DPYD: variants seen among roughly 807,000 people sequenced by gnomAD.
DPYD encodes dihydropyrimidine dehydrogenase [NADP(+)].
Under a neutral mutation model 116.2 loss-of-function variants are expected in DPYD, and 109 were observed. That is an observed-to-expected ratio of 0.94 (90% CI 0.80 to 1.10). The LOEUF is 1.10. Among genes scored for constraint, DPYD ranks in the 50% least tolerant of loss-of-function variants. The probability of loss-of-function intolerance (pLI) is 0.00; values close to 1 mark genes in which losing one functional copy is unlikely to be tolerated. For synonymous variants in DPYD, 440 were observed against 432.0 expected (o/e 1.02, Z -0.23); for missense variants, 1,302 against 1,254.5 (o/e 1.04, Z -0.57).
chr1:97,298,670 A>C (rs563688235), intron 18 of DPYD, among the ~76,000 whole-genome samples: 1 of 152,294 alleles, frequency 6.6e-6, no homozygotes, highest in Admixed American at 6.5e-5. Flanking sequence ...CTGTATAGTC[A>C]GAGTAATGCT....
chr1:97,221,595 G>A (rs900736261), intron 19 of DPYD, among the ~76,000 whole-genome samples: 3 of 151,942 alleles, frequency 2.0e-5, no homozygotes, highest in African/African-American at 7.2e-5. Flanking sequence ...TACAGTCCAG[G>A]TTTTCTAGAT....
intron 14 of DPYD, among the ~76,000 whole-genome samples, chr1:97,416,777 A>G (rs1387231027): frequency 6.6e-6 from 1 of 152,234 alleles, no homozygotes; most frequent in Non-Finnish European, 1.5e-5. Flanking sequence ...GAATGGCAGG[A>G]TTAATTAATA....
intron 15 of DPYD, among the ~76,000 whole-genome samples, chr1:97,374,846 C>A (rs1408576901): frequency 6.7e-6 from 1 of 149,250 alleles, no homozygotes; most frequent in Non-Finnish European, 1.5e-5. Flanking sequence ...CCAGGCAACA[C>A]AGTGAAACCC....
At chr1:97,918,402 A>G (rs1441676160) in intron 1 of DPYD, among the ~76,000 whole-genome samples, 1 of 152,186 alleles carries the variant, frequency 6.6e-6, no homozygotes, top group Non-Finnish European at 1.5e-5. Flanking sequence ...GAAAAAAAAC[A>G]TGATTTCTCA....
At chr1:97,318,479 A>G (rs1484319774) in intron 16 of DPYD, among the ~76,000 whole-genome samples, 2 of 151,884 alleles carry the variant, frequency 1.3e-5, no homozygotes, top group African/African-American at 4.8e-5. Context: ...CAAAAGGGAC[A>G]AAGAAGGCCA....
intron 19 of DPYD, among the ~76,000 whole-genome samples, chr1:97,226,443 T>C (rs1253426283): frequency 6.6e-6 from 1 of 152,028 alleles, no homozygotes; most frequent in Non-Finnish European, 1.5e-5. Context: ...AAAAGTTAAA[T>C]AGACTCTGTA....
At chr1:97,887,486 A>G in intron 1 of DPYD, among the ~76,000 whole-genome samples, 1 of 148,926 alleles carries the variant, frequency 6.7e-6, no homozygotes, top group African/African-American at 2.5e-5. Flanking sequence ...AAAAAAAAAA[A>G]AAAAAAAAAG....
chr1:97,589,894 C>T (rs1654385575), intron 10 of DPYD, among the ~76,000 whole-genome samples: 1 of 152,076 alleles, frequency 6.6e-6, no homozygotes, highest in African/African-American at 2.4e-5. Context: ...CTAAAGAAAC[C>T]AAATGTGGCT....
intron 19 of DPYD, among the ~76,000 whole-genome samples, chr1:97,196,763 A>G (rs918873429): frequency 1.3e-5 from 2 of 152,198 alleles, no homozygotes; most frequent in African/African-American, 2.4e-5. Flanking sequence ...TGGCACCAGA[A>G]TTCCTGGCCA....
Position 97,625,062 on chromosome 1 carries a change from A to G in DPYD, c.851-29896T>C, listed in dbSNP as rs2811191. Among the ~76,000 whole-genome samples, 543 of 152,142 alleles carry G rather than the reference A, an allele frequency of 3.6e-3. 4 individuals are homozygous for G. The highest frequency in any genetic ancestry group is 0.013 in the African/African-American group (529 of 41,540). On this transcript the variant is annotated intron_variant, in intron 8 of 22. Coordinates refer to ENST00000370192, the MANE Select transcript of DPYD (RefSeq NM_000110.4). Reference sequence around the variant, plus strand: ...ACTGCACAGCACAGTGAATATAGTTAATAACAGAATACTGTACATTTCAAA... The same window carrying G: ...ACTGCACAGCACAGTGAATATAGTTGATAACAGAATACTGTACATTTCAAA...
chr1:97,193,155 G>A lies in DPYD; in HGVS notation c.2536C>T (p.Leu846=). 3.7e-6 allele frequency: 6 copies of A among 1,614,034 alleles called. No homozygotes were observed. Among genetic ancestry groups the A allele is most frequent in the Non-Finnish European group, 5.1e-6 (6 of 1,179,956 alleles). ...GGACTCTGTCCATCCCAGTCTTGTAGTTCTTCAATGCTTTTCAGATAAAGC... is the reference window on the plus strand; with the variant it reads ...GGACTCTGTCCATCCCAGTCTTGTAATTCTTCAATGCTTTTCAGATAAAGC... The part of the protein sequence containing the change: ...ALLYLKSIEE[L]QDWDGQSPAT... Residue 846 remains leucine (L), a synonymous_variant, in exon 20 of 23, where the codon CTA becomes TTA. Transcript: ENST00000370192.
intron 14 of DPYD, among the ~76,000 whole-genome samples, chr1:97,433,247 G>C (rs991656864): frequency 3.9e-5 from 6 of 152,234 alleles, no homozygotes; most frequent in African/African-American, 1.4e-4. Flanking sequence ...CAGCTTGGCT[G>C]CCTTGGCTTT....
At chr1:97,875,689 T>A (rs1295182116) in intron 2 of DPYD, among the ~76,000 whole-genome samples, 4 of 151,992 alleles carry the variant, frequency 2.6e-5, no homozygotes, top group Non-Finnish European at 5.9e-5. Context: ...TTTTTTTCCC[T>A]CTGCTGAAAT....
At chr1:97,183,697 G>C (rs988996687) in intron 20 of DPYD, among the ~76,000 whole-genome samples, 8 of 152,040 alleles carry the variant, frequency 5.3e-5, no homozygotes, top group African/African-American at 1.9e-4. Flanking sequence ...TCAATCCAGG[G>C]AGAAATAACA....
chr1:97,586,822 A>T (rs1328339084), intron 10 of DPYD, among the ~76,000 whole-genome samples: 1 of 151,678 alleles, frequency 6.6e-6, no homozygotes, highest in Non-Finnish European at 1.5e-5. Context: ...TACCTCACCA[A>T]TTGGCTGGGG....
At chr1:97,462,511 G>A (rs945471174) in intron 13 of DPYD, among the ~76,000 whole-genome samples, 1 of 152,102 alleles carries the variant, frequency 6.6e-6, no homozygotes, top group Non-Finnish European at 1.5e-5. Context: ...TTCAGACCAT[G>A]ATGGGAAGGT....
chr1:97,520,786 C>G (rs1463111003), intron 12 of DPYD, among the ~76,000 whole-genome samples: 1 of 152,084 alleles, frequency 6.6e-6, no homozygotes, highest in Non-Finnish European at 1.5e-5. Flanking sequence ...TCATCCATGT[C>G]CCTGCAAAGC....
At chr1:97,778,325 T>C (rs1666541934) in intron 3 of DPYD, among the ~76,000 whole-genome samples, 1 of 151,560 alleles carries the variant, frequency 6.6e-6, no homozygotes, top group Non-Finnish European at 1.5e-5. Context: ...CCCATAAACA[T>C]CATCTCATTA....
At chr1:97,708,049 G>A (rs937027505) in intron 5 of DPYD, among the ~76,000 whole-genome samples, 2 of 151,904 alleles carry the variant, frequency 1.3e-5, no homozygotes, top group African/African-American at 4.8e-5. Flanking sequence ...ATGCTCCCCA[G>A]GCTGGTCTCA....
Sources: gnomAD v4.1 joint callset for allele counts (sites outside exome capture counted in the v4.1 genomes callset) on GRCh38, gnomAD v4.1.1 for gene constraint, MANE v1.5 for transcripts, NCBI Gene and HGNC (gene_info 2026-07-23, HGNC 2026-07-21) for gene names.